Variants in MMP16 observed in about 807,000 individuals in gnomAD.
MMP16 encodes matrix metalloproteinase-16.
Under a neutral mutation model 67.8 loss-of-function variants are expected in MMP16, and 12 were observed. That is an observed-to-expected ratio of 0.18 (90% confidence interval 0.11 to 0.29). MMP16 has a LOEUF of 0.29. Ranked by LOEUF, MMP16 falls within the 10% of genes least tolerant of loss-of-function variation. The pLI is 1.00. For synonymous variants in MMP16, 249 were observed against 255.9 expected (o/e 0.97, Z 0.26); for missense variants, 475 against 765.7 (o/e 0.62, Z 4.48).
rs1173869787 is a variant in MMP16 at position 88,207,176 on chromosome 8, G to A, written c.133-9870C>T. On this transcript the variant is annotated intron_variant, in intron 1 of 9. Transcript: ENST00000286614. Reference sequence around the variant, plus strand: ...CAAATCTATTATAAAAAGTTAAAACGTATTAAAACTTAGGCACACAAACAC... The same window carrying A: ...CAAATCTATTATAAAAAGTTAAAACATATTAAAACTTAGGCACACAAACAC... 3.9e-5 allele frequency among the ~76,000 whole-genome samples: 6 copies of A among 152,042 alleles called. No individual in the cohort carries two copies. In the South Asian group the frequency reaches 6.2e-4, roughly 16 times the overall value.
At chr8:88,045,957 T>A (rs1356409539) in intron 9 of MMP16, among the ~76,000 whole-genome samples, 1 of 152,224 alleles carries the variant, frequency 6.6e-6, no homozygotes, top group Non-Finnish European at 1.5e-5. Flanking sequence ...TGTTCTGAAA[T>A]ATTGCATATA....
intron 4 of MMP16, among the ~76,000 whole-genome samples, chr8:88,158,349 C>T (rs921198852): frequency 6.6e-6 from 1 of 152,076 alleles, no homozygotes; most frequent in African/African-American, 2.4e-5. Flanking sequence ...TCCTGACTTT[C>T]TAATGATCGC....
At chr8:88,316,554 C>G (rs1459401048) in intron 1 of MMP16, among the ~76,000 whole-genome samples, 2 of 152,118 alleles carry the variant, frequency 1.3e-5, no homozygotes, top group East Asian at 3.9e-4. Context: ...GTATTTGAAG[C>G]CCACTGAGAC....
intron 8 of MMP16, among the ~76,000 whole-genome samples, chr8:88,050,397 T>C (rs1315291557): frequency 6.6e-6 from 1 of 152,252 alleles, no homozygotes; most frequent in Admixed American, 6.5e-5. Flanking sequence ...GCATGTGATT[T>C]AAGTAACATT....
intron 1 of MMP16, among the ~76,000 whole-genome samples, chr8:88,311,275 A>G (rs1480641713): frequency 1.3e-5 from 2 of 152,102 alleles, no homozygotes; most frequent in Non-Finnish European, 2.9e-5. Context: ...TAAAAGGGGA[A>G]CAGCATACCT....
intron 6 of MMP16, among the ~76,000 whole-genome samples, chr8:88,100,383 T>C (rs1167679501): frequency 6.6e-6 from 1 of 151,926 alleles, no homozygotes; most frequent in Non-Finnish European, 1.5e-5. Context: ...AAAATGCTCA[T>C]CATCACTGGT....
chr8:88,263,761 A>G (rs766497334), intron 1 of MMP16, among the ~76,000 whole-genome samples: 5 of 151,978 alleles, frequency 3.3e-5, no homozygotes, highest in Non-Finnish European at 7.4e-5. Flanking sequence ...ATTTACATCT[A>G]TAAAGATCCT....
intron 1 of MMP16, among the ~76,000 whole-genome samples, chr8:88,315,407 T>C (rs539922276): frequency 2.6e-5 from 4 of 152,314 alleles, no homozygotes; most frequent in African/African-American, 9.6e-5. Context: ...AGAAATATCT[T>C]GTAGCATTAG....
At chr8:88,176,498 A>G (rs542802708) in intron 3 of MMP16, among the ~76,000 whole-genome samples, 1 of 152,328 alleles carries the variant, frequency 6.6e-6, no homozygotes, top group East Asian at 1.9e-4. Context: ...AAATGAAAAC[A>G]GTGTATCAAT....
intron 3 of MMP16, among the ~76,000 whole-genome samples, chr8:88,179,924 A>C (rs190982302): frequency 5.7e-4 from 87 of 152,308 alleles, no homozygotes; most frequent in Non-Finnish European, 2.4e-4. Context: ...CAAAAAACCA[A>C]TAACAACAGC....
intron 1 of MMP16, among the ~76,000 whole-genome samples, chr8:88,255,125 A>G (rs1357510171): frequency 6.6e-6 from 1 of 152,156 alleles, no homozygotes; most frequent in Non-Finnish European, 1.5e-5. Context: ...GCCTGGCAGA[A>G]GATGTTTGGG....
At chr8:88,235,897 C>T (rs1411324658) in intron 1 of MMP16, among the ~76,000 whole-genome samples, 3 of 151,438 alleles carry the variant, frequency 2.0e-5, no homozygotes, top group African/African-American at 7.3e-5. Flanking sequence ...ATTTTCGTCT[C>T]TTTTCCTAAA....
chr8:88,061,646 T>G (rs1028869277), intron 7 of MMP16, among the ~76,000 whole-genome samples: 2 of 152,036 alleles, frequency 1.3e-5, no homozygotes, highest in African/African-American at 4.8e-5. Context: ...GAAGCTTAGT[T>G]TATATGTAGT....
intron 1 of MMP16, among the ~76,000 whole-genome samples, chr8:88,210,036 A>G (rs1052837880): frequency 2.6e-5 from 4 of 152,132 alleles, no homozygotes; most frequent in Non-Finnish European, 2.9e-5. Context: ...TCCAGCAGTG[A>G]GTATACTACA....
At position 88,279,186 on chromosome 8, in the gene MMP16, C is replaced by T. The variant is rs549015074; in HGVS notation, c.132+47889G>A. Among the ~76,000 whole-genome samples, 7 of 149,360 alleles carry T rather than the reference C, an allele frequency of 4.7e-5. No individual in the cohort carries two copies. In the East Asian group the frequency reaches 1.4e-3, roughly 29 times the overall value. ...GCAGTGAGCCAAGATTGCACCACTG[C>T]ACTCCAGCCTGGTGACACAGCAAGA... On this transcript the variant is annotated intron_variant, in intron 1 of 9. Coordinates refer to ENST00000286614, the MANE Select transcript of MMP16 (RefSeq NM_005941.5).
intron 1 of MMP16, among the ~76,000 whole-genome samples, chr8:88,260,692 T>A (rs1314291936): frequency 6.6e-6 from 1 of 152,110 alleles, no homozygotes; most frequent in African/African-American, 2.4e-5. Flanking sequence ...ACATTTCAAC[T>A]GATAACATTC....
chr8:88,165,220 C>G (rs1276434319), intron 4 of MMP16, among the ~76,000 whole-genome samples: 1 of 148,586 alleles, frequency 6.7e-6, no homozygotes, highest in Non-Finnish European at 1.5e-5. Flanking sequence ...AAAAACCCAG[C>G]TAATAAAGTG....
chr8:88,163,167 A>G (rs2129688598), intron 4 of MMP16, among the ~76,000 whole-genome samples: 2 of 152,180 alleles, frequency 1.3e-5, no homozygotes, highest in Middle Eastern at 3.4e-3. Flanking sequence ...ATGGCACCAA[A>G]TGGACATGTC....
chr8:88,262,980 G>A (rs1003644194), intron 1 of MMP16, among the ~76,000 whole-genome samples: 2 of 151,064 alleles, frequency 1.3e-5, no homozygotes, highest in Non-Finnish European at 2.9e-5. Context: ...AGCCGAGATC[G>A]CGCCACTGCA....
Sources: allele counts gnomAD v4.1 joint callset (sites outside exome capture counted in the v4.1 genomes callset), GRCh38; gene constraint gnomAD v4.1.1; transcripts MANE v1.5; gene names NCBI Gene and HGNC (gene_info 2026-07-23, HGNC 2026-07-21).